Variants in VGLL3 observed in about 807,000 individuals in gnomAD.
VGLL3 encodes the protein vestigial like family member 3.
In VGLL3, 18 loss-of-function variants were observed where a neutral mutation model predicts 29.2. The ratio of observed to expected loss-of-function variants is 0.62; its 90% CI spans 0.43 to 0.91. VGLL3 has a LOEUF of 0.91. VGLL3 is among the 40% of genes least tolerant of loss of function. The pLI is 0.00. For missense variants in VGLL3, 440 were observed against 413.2 expected (o/e 1.06, Z -0.56); for synonymous variants, 180 against 151.8 (o/e 1.19, Z -1.36).
intron 1 of VGLL3, among the ~76,000 whole-genome samples, chr3:86,989,269 C>T (rs1297917623): frequency 2.0e-5 from 3 of 152,110 alleles, no homozygotes; most frequent in Non-Finnish European, 2.9e-5. Flanking sequence ...AATTGAAGAC[C>T]TCTGTAATAT....
chr3:86,969,057 G>A lies in VGLL3; in HGVS notation c.470C>T (p.Pro157Leu), dbSNP rs972103594. 9 of 1,613,882 alleles carry A rather than the reference G, an allele frequency of 5.6e-6. No individual in the cohort carries two copies. In the African/African-American group the frequency reaches 1.2e-4, roughly 22 times the overall value. ...PTSFWTSSYQPPPAPCLGGVH... is the reference protein window; with the variant it reads ...PTSFWTSSYQLPPAPCLGGVH... ...TCCCCCCAAACAAGGTGCAGGTGGG[G>A]GCTGGTAAGAGCTGGTCCAAAAGGA... The change falls in exon 3 of 4, where the codon CCC (proline) becomes CTC (leucine). Residue 157 changes from proline (P) to leucine (L), a missense_variant. By Grantham distance (98) the Pro-to-Leu change is moderately conservative. Coordinates refer to ENST00000398399, the MANE Select transcript of VGLL3 (RefSeq NM_016206.4).
chr3:86,973,019 A>G (rs866767921), intron 2 of VGLL3, among the ~76,000 whole-genome samples: 5 of 152,230 alleles, frequency 3.3e-5, no homozygotes, highest in Middle Eastern at 6.8e-3. Flanking sequence ...ATTTCTTTCA[A>G]TTTCACAATA....
At position 86,939,744 on chromosome 3, in the gene VGLL3, G is replaced by C. The variant is rs1704354591; in HGVS notation, c.*7280C>G. The C allele has an allele frequency of 6.6e-6, 1 of 152,230 alleles. No homozygotes were observed. Among genetic ancestry groups the C allele is most frequent in the Non-Finnish European group, 1.5e-5 (1 of 68,098 alleles). The allele number at this position is 152,230 out of a possible 1,614,324, so 9.4% of individuals were successfully genotyped here. A position where few individuals can be genotyped will look rare whatever the true frequency, so the allele number is the denominator to read the frequency against. On this transcript the variant is annotated 3_prime_UTR_variant, in exon 4 of 4. Coordinates refer to ENST00000398399, the MANE Select transcript of VGLL3 (RefSeq NM_016206.4). ...TCACATGAGTCCTTAAATATGTAAG[G>C]GAGAGGAAGAAGAGGAAGTCAGTGA...
At chr3:86,962,031 T>C in intron 3 of VGLL3, 1 of 985,170 alleles carries the variant, frequency 1.0e-6, no homozygotes, top group East Asian at 1.1e-4. Flanking sequence ...ATCTTTTCTT[T>C]TTTCAATTAA....
rs1704515732 is a variant in VGLL3 at position 86,946,764 on chromosome 3, A to C, written c.*260T>G. 1 of 374,410 alleles carries C rather than the reference A, an allele frequency of 2.7e-6. No individual in the cohort carries two copies. The highest frequency in any genetic ancestry group is 4.8e-6 in the Non-Finnish European group (1 of 209,004). The allele number at this position is 374,410 out of a possible 1,614,324, so 23.2% of individuals were successfully genotyped here. On this transcript the variant is annotated 3_prime_UTR_variant, in exon 4 of 4. Transcript: ENST00000398399. ...CAAAAACTTAGCTATATATTGATAA[A>C]AGCAAGATAACAAAAGGAGAGAGTT...
intron 2 of VGLL3, among the ~76,000 whole-genome samples, chr3:86,975,664 T>A (rs1448893104): frequency 6.6e-6 from 1 of 152,196 alleles, no homozygotes; most frequent in Non-Finnish European, 1.5e-5. Context: ...TTTCAGATTT[T>A]CCACATAGAA....
intron 2 of VGLL3, among the ~76,000 whole-genome samples, chr3:86,974,689 G>A (rs903792069): frequency 2.0e-5 from 3 of 152,122 alleles, no homozygotes; most frequent in Admixed American, 6.5e-5. Flanking sequence ...AGTCAAACAC[G>A]ATTCAGTTAT....
chr3:86,980,563 T>G (rs2107055835), intron 1 of VGLL3, among the ~76,000 whole-genome samples: 1 of 152,240 alleles, frequency 6.6e-6, no homozygotes, highest in African/African-American at 2.4e-5. Flanking sequence ...AATCTACCTC[T>G]GCACAGATTT....
chr3:86,985,817 T>A (rs1705428276), intron 1 of VGLL3, among the ~76,000 whole-genome samples: 1 of 152,176 alleles, frequency 6.6e-6, no homozygotes. Context: ...ATATTATCTA[T>A]TACAAGATAT....
chr3:86,978,442 G>C, intron 2 of VGLL3, 84 bp downstream of exon 2: 6 of 1,461,300 alleles, frequency 4.1e-6, no homozygotes, highest in Non-Finnish European at 5.6e-6. Context: ...CCATCCTCAG[G>C]GGCAAGTCTC....
rs181517262 is a variant in VGLL3, at chr3:86,943,832, A to G, written c.*3192T>C. On this transcript the variant is annotated 3_prime_UTR_variant, in exon 4 of 4. Coordinates refer to ENST00000398399, the MANE Select transcript of VGLL3 (RefSeq NM_016206.4). Reference sequence around the variant, plus strand: ...CCCGATGGTTTATTGGTGGAAGCATAGATTCTATTTAAAATAAACGAGACA... The same window carrying G: ...CCCGATGGTTTATTGGTGGAAGCATGGATTCTATTTAAAATAAACGAGACA... The G allele has an allele frequency of 9.8e-5, 15 of 152,308 alleles. No individual in the cohort carries two copies. The highest frequency in any genetic ancestry group is 3.4e-4 in the African/African-American group (14 of 41,570). The allele number at this position is 152,308 out of a possible 1,614,324, so 9.4% of individuals were successfully genotyped here.
intron 3 of VGLL3, among the ~76,000 whole-genome samples, chr3:86,949,789 T>A (rs1232093637): frequency 1.4e-5 from 2 of 142,594 alleles, no homozygotes; most frequent in African/African-American, 5.3e-5. Context: ...ATCATGCCAC[T>A]GCACTCCAGC....
At position 86,945,053 on chromosome 3, in the gene VGLL3, T is replaced by C. The variant is rs182314302; in HGVS notation, c.*1971A>G. The C allele has an allele frequency of 2.5e-4, 38 of 152,242 alleles. No individual in the cohort carries two copies. In the East Asian group the frequency reaches 2.5e-3, roughly 10 times the overall value. The allele number at this position is 152,242 out of a possible 1,614,324, so 9.4% of individuals were successfully genotyped here. ...TATCAAATCAAATTATGGACCAAAG[T>C]ATAGAAAATTTAACCTGGCTACTCC... On this transcript the variant is annotated 3_prime_UTR_variant, in exon 4 of 4. Coordinates refer to ENST00000398399, the MANE Select transcript of VGLL3 (RefSeq NM_016206.4).
chr3:86,970,520 C>CACACACACAT (rs1409552621), intron 2 of VGLL3, among the ~76,000 whole-genome samples: 2 of 148,470 alleles, frequency 1.3e-5, no homozygotes, highest in East Asian at 4.0e-4. Flanking sequence ...CACACACACA[C>CACACACACAT]ATATGACAGC....
rs540294309 is a variant in VGLL3 at position 86,975,701 on chromosome 3, A to C, written c.403+2825T>G. ...CACATTGTTGTGAGCATCAGAAAAA[A>C]TGAGGCACCATAAGAAGATATGGTA... On this transcript the variant is annotated intron_variant, in intron 2 of 3. Transcript: ENST00000398399. Among the ~76,000 whole-genome samples the C allele has an allele frequency of 7.9e-5, 12 of 152,322 alleles. No homozygotes were observed. In the South Asian group the frequency reaches 2.5e-3, roughly 32 times the overall value.
chr3:86,969,145 A>C lies in VGLL3; in HGVS notation c.404-22T>G, dbSNP rs202126698. On this transcript the variant is annotated intron_variant, in intron 2 of 3. Coordinates refer to ENST00000398399, the MANE Select transcript of VGLL3 (RefSeq NM_016206.4). ...CTGTCTGAGAAGACAGAAAATAAAA[A>C]ACATTATTAACATAAGACTCAGTTT... 30 of 1,534,832 alleles carry C rather than the reference A, an allele frequency of 2.0e-5. No individual in the cohort carries two copies. The Admixed American group carries it at 4.8e-4, about 24-fold the overall frequency.
intron 1 of VGLL3, among the ~76,000 whole-genome samples, chr3:86,988,773 T>G (rs1705515326): frequency 7.9e-6 from 1 of 125,898 alleles, no homozygotes; most frequent in African/African-American, 2.6e-5. Context: ...TAACATCTAG[T>G]TAAGCAATGT....
intron 3 of VGLL3, chr3:86,962,232 C>G (rs1246796065): frequency 1.0e-6 from 1 of 985,242 alleles, no homozygotes; most frequent in Non-Finnish European, 1.2e-6. Context: ...TTTCAAGGTA[C>G]CTGTATGTAA....
At chr3:86,972,391 A>C (rs1705120525) in intron 2 of VGLL3, among the ~76,000 whole-genome samples, 2 of 152,346 alleles carry the variant, frequency 1.3e-5, no homozygotes, top group South Asian at 2.1e-4. Flanking sequence ...TTTAAAAAAA[A>C]CCTGTTACAT....
Sources: gnomAD v4.1 joint callset for allele counts (sites outside exome capture counted in the v4.1 genomes callset) on GRCh38, gnomAD v4.1.1 for gene constraint, MANE v1.5 for transcripts, NCBI Gene and HGNC (gene_info 2026-07-23, HGNC 2026-07-21) for gene names.